The following LRSAM1 variants were observed in gnomAD, a reference collection of about 807,000 sequenced individuals.
LRSAM1 encodes the protein leucine rich repeat and sterile alpha motif containing 1.
A neutral mutation model predicts 118.1 loss-of-function variants in LRSAM1; 96 were observed. That is an observed-to-expected ratio of 0.81 (90% confidence interval 0.69 to 0.96). The LOEUF (loss-of-function observed/expected upper bound fraction) is 0.96. Ranked by LOEUF, LRSAM1 falls within the 40% of genes least tolerant of loss-of-function variation. The pLI, the probability that LRSAM1 is intolerant of heterozygous loss-of-function variation, is 0.00. For synonymous variants in LRSAM1, 322 were observed against 364.2 expected (o/e 0.88, Z 1.32); for missense variants, 804 against 915.5 (o/e 0.88, Z 1.57).
Position 127,465,776 on chromosome 9 carries a change from G to A in LRSAM1, c.529-1964G>A, listed in dbSNP as rs1421856016. Among the ~76,000 whole-genome samples, 1 of 152,182 alleles carries A rather than the reference G, an allele frequency of 6.6e-6. No homozygotes were observed. The highest frequency in any genetic ancestry group is 1.9e-4 in the East Asian group (1 of 5,194). ...TGATACCCAGGCATAGAGGATATCA[G>A]TGCCTGCCAGCACTCTGGGATGAGA... On this transcript the variant is annotated intron_variant, in intron 9 of 25. Coordinates refer to ENST00000300417, the MANE Select transcript of LRSAM1 (RefSeq NM_001005373.4). This position sits in a 1 kb window ranked among gnomAD's most constrained non-coding sequence, Gnocchi z 4.1.
At chr9:127,468,838 A>C (rs993181787) in intron 10 of LRSAM1, among the ~76,000 whole-genome samples, 7 of 149,074 alleles carry the variant, frequency 4.7e-5, no homozygotes, top group African/African-American at 1.7e-4. Context: ...AAAAAAAAAA[A>C]ATCAGCCAGG....
chr9:127,502,680 CTG>C, intron 25 of LRSAM1, 92 bp from the exon 26 acceptor site: 2 of 1,340,548 alleles, frequency 1.5e-6, no homozygotes, highest in East Asian at 2.6e-5. Context: ...GAGTGAGACT[CTG>C]TCTCAAAAAA....
At chr9:127,492,725 C>T in intron 20 of LRSAM1, 77 bp from the exon 21 acceptor site, 1 of 1,353,336 alleles carries the variant, frequency 7.4e-7, no homozygotes, top group Non-Finnish European at 1.0e-6. Flanking sequence ...GAGGCCAGGC[C>T]CTTCTCCATC....
At chr9:127,494,961 G>GT (rs1455755186) in intron 21 of LRSAM1, among the ~76,000 whole-genome samples, 1 of 152,078 alleles carries the variant, frequency 6.6e-6, no homozygotes, top group African/African-American at 2.4e-5. Context: ...GTTTTGTTTT[G>GT]TTTTTTTGAG....
At chr9:127,454,336 C>T (rs534992818) in intron 2 of LRSAM1, among the ~76,000 whole-genome samples, 160 bp from the exon 3 acceptor site, 10 of 152,210 alleles carry the variant, frequency 6.6e-5, no homozygotes, top group East Asian at 1.9e-4. Flanking sequence ...AAGACCCAGC[C>T]GCTGCCTCCG....
In LRSAM1 at chr9:127,485,846, G is replaced by A; in HGVS notation, c.1259+11G>A. The A allele has an allele frequency of 6.2e-7, 1 of 1,613,668 alleles. No homozygotes were observed. The highest frequency in any genetic ancestry group is 8.5e-7 in the Non-Finnish European group (1 of 1,179,650). On this transcript the variant is annotated intron_variant, in intron 17 of 25. Coordinates refer to ENST00000300417, the MANE Select transcript of LRSAM1 (RefSeq NM_001005373.4). ...GCAGGCCTGTTCCAGGTAAGGTAAG[G>A]AAGAGGAGTCCCAGGTGAGGGAGCT...
chr9:127,452,591 A>T (rs1461946677), intron 2 of LRSAM1, among the ~76,000 whole-genome samples: 1 of 152,202 alleles, frequency 6.6e-6, no homozygotes, highest in Non-Finnish European at 1.5e-5. Flanking sequence ...GCTAACATTT[A>T]TTGAGCGCTC....
In LRSAM1 at chr9:127,485,777, C is replaced by T; in HGVS notation, c.1201C>T (p.Leu401Phe). ...QMLTESCKNR[L>F]IQMAYESQRQ... ...GCTGACTGAGAGCTGTAAGAACCGG[C>T]TCATCCAGATGGCCTACGAATCTCA... Residue 401 changes from leucine (L) to phenylalanine (F), a missense_variant, in exon 17 of 26, where the codon CTC becomes TTC. Transcript: ENST00000300417. 1 of 1,614,130 alleles carries T rather than the reference C, an allele frequency of 6.2e-7. No homozygotes were observed. The highest frequency in any genetic ancestry group is 8.5e-7 in the Non-Finnish European group (1 of 1,180,018).
chr9:127,485,531 G>C (rs922799572), intron 16 of LRSAM1, among the ~76,000 whole-genome samples: 1 of 152,160 alleles, frequency 6.6e-6, no homozygotes, highest in Admixed American at 6.5e-5. Context: ...ACTCCAGCCT[G>C]GGTGACAGAG....
At chr9:127,485,608 C>T in intron 16 of LRSAM1, 128 bp from the exon 17 acceptor site, 1 of 825,902 alleles carries the variant, frequency 1.2e-6, no homozygotes, top group Non-Finnish European at 2.1e-6. Flanking sequence ...AGATAACTAT[C>T]AGGTAGGTAA....
intron 15 of LRSAM1, among the ~76,000 whole-genome samples, chr9:127,481,954 A>AT (rs1002510189): frequency 6.6e-6 from 1 of 151,848 alleles, no homozygotes; most frequent in Non-Finnish European, 1.5e-5. Context: ...AAAAAAAAAA[A>AT]GAAATTCAGA....
intron 5 of LRSAM1, among the ~76,000 whole-genome samples, chr9:127,456,614 C>G (rs948368814): frequency 6.6e-6 from 1 of 151,972 alleles, no homozygotes; most frequent in African/African-American, 2.4e-5. Context: ...CCTGTAATCC[C>G]AGCACTTCGG....
Position 127,491,203 on chromosome 9 carries a change from T to C in LRSAM1, c.1423-12T>C. The stretch of plus-strand genomic sequence containing the variant: ...GTGAGTAAAAAAAAACCCTGTCTCG[T>C]CTTCTGTTTAGATTAAGTTAATAGA... On this transcript the variant is annotated splice_polypyrimidine_tract_variant and intron_variant, in intron 19 of 25. Transcript: ENST00000300417. The C allele has an allele frequency of 6.2e-7, 1 of 1,611,504 alleles. No individual in the cohort carries two copies. The highest frequency in any genetic ancestry group is 8.5e-7 in the Non-Finnish European group (1 of 1,177,850).
At chr9:127,462,933 C>T (rs540841189) in intron 9 of LRSAM1, among the ~76,000 whole-genome samples, 170 of 152,214 alleles carry the variant, frequency 1.1e-3, no homozygotes, top group Non-Finnish European at 2.1e-3. Context: ...CCGTGGCTCA[C>T]TCCTGTAATC....
intron 6 of LRSAM1, 50 bp from the exon 7 acceptor site, chr9:127,458,953 G>A: frequency 6.2e-7 from 1 of 1,601,274 alleles, no homozygotes; most frequent in Non-Finnish European, 8.5e-7. Flanking sequence ...GGAGCCCGGA[G>A]TCTGAGGGAC....
chr9:127,497,481 C>A (rs1588139253), intron 24 of LRSAM1, 147 bp downstream of exon 24: 1 of 839,376 alleles, frequency 1.2e-6, no homozygotes, highest in Admixed American at 2.1e-5. Flanking sequence ...TCCCAAGGAG[C>A]AGGCTTAGGG....
chr9:127,478,444 A>C (rs911204068), intron 11 of LRSAM1, among the ~76,000 whole-genome samples: 1 of 152,212 alleles, frequency 6.6e-6, no homozygotes, highest in Non-Finnish European at 1.5e-5. Context: ...CACTGTATGG[A>C]TGCACCATGA....
rs900827668 is a variant in LRSAM1 at position 127,484,396 on chromosome 9, G to C, written c.1160-1340G>C. Among the ~76,000 whole-genome samples the C allele has an allele frequency of 2.0e-5, 3 of 147,578 alleles. No individual in the cohort carries two copies. The South Asian group carries it at 6.3e-4, about 31-fold the overall frequency. ...CATTTTCTTTTTTTCTTTTTTCCTT[G>C]CTCTGTCACCAGGCTGGAGGGCAGT... On this transcript the variant is annotated intron_variant, in intron 16 of 25. Coordinates refer to ENST00000300417, the MANE Select transcript of LRSAM1 (RefSeq NM_001005373.4).
chr9:127,487,541 C>G (rs184631604), intron 17 of LRSAM1, 135 bp from the exon 18 acceptor site: 3 of 778,276 alleles, frequency 3.9e-6, no homozygotes, highest in Non-Finnish European at 6.5e-6. Context: ...ACCCAGGGCC[C>G]GGCTCCCAGC....
Sources: gnomAD v4.1 joint callset for allele counts (sites outside exome capture counted in the v4.1 genomes callset) on GRCh38, gnomAD v4.1.1 for gene constraint, Gnocchi (gnomAD v3.1) non-coding constraint, MANE v1.5 for transcripts, NCBI Gene and HGNC (gene_info 2026-07-23, HGNC 2026-07-21) for gene names.